Variants in FSTL4 observed in about 807,000 individuals in gnomAD.
FSTL4 encodes the protein follistatin like 4.
In FSTL4, 28 loss-of-function variants were observed where a neutral mutation model predicts 78.2. That is an observed-to-expected ratio of 0.36 (90% CI 0.27 to 0.49). The LOEUF (loss-of-function observed/expected upper bound fraction) is 0.49. Among genes scored for constraint, FSTL4 ranks in the 20% least tolerant of loss-of-function variants. The pLI is 0.98. For missense variants in FSTL4, 922 were observed against 1,084.9 expected, an observed-to-expected ratio of 0.85 and a Z score of 2.11; for synonymous variants, 422 against 440.5, an observed-to-expected ratio of 0.96 and a Z score of 0.53.
At chr5:133,498,870 C>T (rs998272161) in intron 3 of FSTL4, among the ~76,000 whole-genome samples, 1 of 152,088 alleles carries the variant, frequency 6.6e-6, no homozygotes, top group Non-Finnish European at 1.5e-5. Context: ...GGCCTGTCTT[C>T]TGTGAGGTCT....
At chr5:133,491,610 A>G (rs913508289) in intron 3 of FSTL4, among the ~76,000 whole-genome samples, 2 of 151,760 alleles carry the variant, frequency 1.3e-5, no homozygotes, top group Non-Finnish European at 2.9e-5. Flanking sequence ...CACCATGTTA[A>G]CCAGGATGGT....
intron 3 of FSTL4, among the ~76,000 whole-genome samples, chr5:133,494,447 C>T (rs947042281): frequency 5.3e-5 from 8 of 151,852 alleles, no homozygotes; most frequent in South Asian, 2.1e-4. Flanking sequence ...AGTGAGCTCA[C>T]TGAATCACTG....
At chr5:133,656,251 C>T in the FSTL4 span, among the ~76,000 whole-genome samples, 4 of 151,922 alleles carry the variant, frequency 2.6e-5, no homozygotes, top group Admixed American at 6.6e-5. Flanking sequence ...GCAAATGGAG[C>T]TTAATCCCAC....
At chr5:133,238,253 T>C (rs1334029857) in intron 7 of FSTL4, among the ~76,000 whole-genome samples, 1 of 152,162 alleles carries the variant, frequency 6.6e-6, no homozygotes, top group Non-Finnish European at 1.5e-5. Context: ...TCAGACTCAG[T>C]TGAGAAACAA....
chr5:133,783,245 T>C, the FSTL4 span, among the ~76,000 whole-genome samples: 2 of 152,156 alleles, frequency 1.3e-5, no homozygotes, highest in Non-Finnish European at 2.9e-5. Flanking sequence ...AATTAGGTGC[T>C]CTCTCACGTG....
intron 2 of FSTL4, chr5:133,583,151 G>C: frequency 2.4e-6 from 1 of 418,876 alleles, no homozygotes; most frequent in Middle Eastern, 7.2e-4. Context: ...CAGTGGAAGA[G>C]TCAGCAAACA....
At chr5:133,796,592 G>C in the FSTL4 span, among the ~76,000 whole-genome samples, 2 of 151,910 alleles carry the variant, frequency 1.3e-5, no homozygotes, top group African/African-American at 4.8e-5. Context: ...ATCCCTCTCC[G>C]ACCACCCCCA....
chr5:133,668,729 T>C, the FSTL4 span, among the ~76,000 whole-genome samples: 19,774 of 152,156 alleles, frequency 0.13, 1,590 homozygotes, highest in South Asian at 0.25. Flanking sequence ...GGATACTGTC[T>C]TGTGACATCG....
upstream of FSTL4, among the ~76,000 whole-genome samples, chr5:133,616,157 T>G (rs573600262): frequency 2.6e-5 from 4 of 152,278 alleles, no homozygotes; most frequent in South Asian, 8.3e-4. Flanking sequence ...CATACCCTAC[T>G]GAGTATAGGC....
chr5:133,841,299 G>A, the FSTL4 span, among the ~76,000 whole-genome samples: 2 of 152,174 alleles, frequency 1.3e-5, no homozygotes, highest in East Asian at 3.8e-4. Flanking sequence ...TTCCCAAAGG[G>A]GAAGAACTTG....
In FSTL4 at chr5:133,225,228, T is replaced by C. The variant is rs1480942314; in HGVS notation, c.1234A>G (p.Thr412Ala). ...SVRYEDTGAY[T>A]CIAKNEVGVD... ...CCCACTTCATTTTTGGCAATGCAGG[T>C]GTATGCCCCTGTGTCTTCATACCGA... is the stretch of plus-strand genomic sequence containing the variant. The change falls in exon 10 of 16, where the codon ACC becomes GCC. Residue 412 changes from threonine (T) to alanine (A), a missense_variant. Coordinates refer to ENST00000265342, the MANE Select transcript of FSTL4 (RefSeq NM_015082.2). This position sits in a 1 kb window ranked among gnomAD's most constrained non-coding sequence, Gnocchi z 4.6. 6.2e-7 allele frequency: 1 copy of C among 1,614,026 alleles called. No homozygotes were observed.
the FSTL4 span, among the ~76,000 whole-genome samples, chr5:133,773,229 A>AAAGTACTACAAAATAAGTTCATATGACC: frequency 3.6e-4 from 55 of 151,956 alleles, no homozygotes; most frequent in Admixed American, 3.6e-3. Flanking sequence ...CTGGAAGATT[A>AAAGTACTACAAAATAAGTTCATATGACC]AAGTACTACA....
At chr5:133,427,348 C>A (rs2126992677) in intron 3 of FSTL4, among the ~76,000 whole-genome samples, 1 of 152,324 alleles carries the variant, frequency 6.6e-6, no homozygotes, top group East Asian at 1.9e-4. Context: ...AAGGAATGAA[C>A]CCAGGGGCCT....
intron 4 of FSTL4, among the ~76,000 whole-genome samples, chr5:133,346,184 T>C (rs758518962): frequency 6.6e-6 from 1 of 151,426 alleles, no homozygotes; most frequent in Admixed American, 6.6e-5. Flanking sequence ...TAAGTGGGAG[T>C]TGAACAATGG....
At chr5:133,766,394 A>C in the FSTL4 span, among the ~76,000 whole-genome samples, 1 of 152,206 alleles carries the variant, frequency 6.6e-6, no homozygotes. Flanking sequence ...GTTTACAGAA[A>C]AAGTGTGCCT....
the FSTL4 span, among the ~76,000 whole-genome samples, chr5:133,622,100 A>G: frequency 1.1e-4 from 17 of 151,392 alleles, no homozygotes; most frequent in South Asian, 3.1e-3. Flanking sequence ...TTTTTTCTCA[A>G]TTTTATAACT....
intron 2 of FSTL4, among the ~76,000 whole-genome samples, chr5:133,589,436 C>T (rs1458741881): frequency 6.6e-6 from 1 of 152,144 alleles, no homozygotes; most frequent in East Asian, 1.9e-4. Context: ...CCCACAGACA[C>T]TGCCCTCACT....
At chr5:133,688,146 C>A in the FSTL4 span, among the ~76,000 whole-genome samples, 2 of 152,018 alleles carry the variant, frequency 1.3e-5, no homozygotes, top group Non-Finnish European at 2.9e-5. Context: ...CAGGGGCTCA[C>A]GCCTGTAATC....
intron 13 of FSTL4, 114 bp from the exon 14 acceptor site, chr5:133,210,412 A>G (rs1436087357): frequency 3.7e-6 from 2 of 542,520 alleles, no homozygotes; most frequent in African/African-American, 1.9e-5. Flanking sequence ...AGCCTTGCCA[A>G]TGGTTCCATT....
Sources: allele counts gnomAD v4.1 joint callset (sites outside exome capture counted in the v4.1 genomes callset), GRCh38; gene constraint gnomAD v4.1.1; non-coding constraint Gnocchi (gnomAD v3.1); transcripts MANE v1.5; gene names NCBI Gene and HGNC (gene_info 2026-07-23, HGNC 2026-07-21).